TMEM266: variants seen among roughly 807,000 people sequenced by gnomAD.
The protein encoded by TMEM266 is Hv1 related protein 1.
TMEM266 carries 33 observed loss-of-function variants against 50.5 expected under a neutral mutation model. That is an observed-to-expected ratio of 0.65 (90% CI 0.50 to 0.87). The LOEUF is 0.87. Ranked by LOEUF, TMEM266 falls within the 40% of genes least tolerant of loss-of-function variation. The pLI, the probability that TMEM266 is intolerant of heterozygous loss-of-function variation, is 0.00. For missense variants in TMEM266, 655 were observed against 695.1 expected (o/e 0.94, Z 0.65); for synonymous variants, 310 against 292.3 (o/e 1.06, Z -0.62).
chr15:76,068,676 G>A (rs1325237832), intron 1 of TMEM266, among the ~76,000 whole-genome samples: 2 of 152,212 alleles, frequency 1.3e-5, no homozygotes, highest in African/African-American at 4.8e-5. Context: ...TGAGAAGGTG[G>A]CTGTCTGCAA....
At chr15:76,107,720 G>C (rs950982306) in intron 1 of TMEM266, among the ~76,000 whole-genome samples, 1 of 152,152 alleles carries the variant, frequency 6.6e-6, no homozygotes, top group Non-Finnish European at 1.5e-5. Flanking sequence ...CTCAAATATA[G>C]TATTTGAATG....
chr15:76,168,762 A>G lies in TMEM266; in HGVS notation c.457-1054A>G, dbSNP rs190824441. On this transcript the variant is annotated intron_variant, in intron 5 of 10. Coordinates refer to ENST00000388942, the MANE Select transcript of TMEM266 (RefSeq NM_152335.3). The surrounding 1 kb of genome is among the most constrained non-coding windows in gnomAD (Gnocchi z 4.4). ...CTTGAGCCTCCACTGGGGGATGGGG[A>G]GGGAATCAGCACAAGGTACAAGGCA... is the stretch of plus-strand genomic sequence containing the variant. Among the ~76,000 whole-genome samples the G allele has an allele frequency of 6.6e-5, 10 of 152,254 alleles. No individual in the cohort carries two copies. The highest frequency in any genetic ancestry group is 5.9e-4 in the Admixed American group (9 of 15,302).
chr15:76,159,538 C>T (rs1449393782), intron 4 of TMEM266, among the ~76,000 whole-genome samples: 4 of 152,150 alleles, frequency 2.6e-5, no homozygotes, highest in African/African-American at 4.8e-5. Flanking sequence ...TGCCCAGCTC[C>T]CCTGCCAGTC....
chr15:76,147,151 C>A (rs1203187972), intron 3 of TMEM266, among the ~76,000 whole-genome samples: 1 of 152,228 alleles, frequency 6.6e-6, no homozygotes, highest in East Asian at 1.9e-4. Context: ...CGGGAGGCCC[C>A]AGGCTTCTTA....
At chr15:76,137,175 A>G (rs888817969) in intron 2 of TMEM266, among the ~76,000 whole-genome samples, 15 of 152,186 alleles carry the variant, frequency 9.9e-5, no homozygotes, top group Admixed American at 7.2e-4. Context: ...CACCACCCCA[A>G]GGCCCACTAG....
rs58863068 is a variant in TMEM266, at chr15:76,168,504, T to C, written c.457-1312T>C. On this transcript the variant is annotated intron_variant, in intron 5 of 10. Transcript: ENST00000388942. The surrounding 1 kb of genome is among the most constrained non-coding windows in gnomAD (Gnocchi z 4.4). ...TGTGAATCACCGTGAATTAAAGTCATCTTGGCTCAAGGAAGAGCCTGCAGA... is the reference window on the plus strand; with the variant it reads ...TGTGAATCACCGTGAATTAAAGTCACCTTGGCTCAAGGAAGAGCCTGCAGA... Among the ~76,000 whole-genome samples, 7,458 of 152,276 alleles carry C rather than the reference T, an allele frequency of 0.049. 406 individuals are homozygous for C. The highest frequency in any genetic ancestry group is 0.14 in the African/African-American group (5,674 of 41,540).
chr15:76,176,794 C>T (rs1230130093), intron 8 of TMEM266, among the ~76,000 whole-genome samples: 2 of 152,190 alleles, frequency 1.3e-5, no homozygotes, highest in Non-Finnish European at 1.5e-5. Context: ...CCCTATTCCT[C>T]CCCCATTGCT....
chr15:76,203,908 G>A lies in TMEM266; in HGVS notation c.1189G>A (p.Ala397Thr), dbSNP rs1194396801. ...TGCCTCCCGCAGCTCAGTCACCCGG[G>A]CCCAGAGTGACAGCAGCCAGACGCT... Residue 397 changes from alanine (A) to threonine (T), a missense_variant, in exon 11 of 11, where the codon GCC becomes ACC. Ala to Thr is a moderately conservative substitution (Grantham distance 58). Coordinates refer to ENST00000388942, the MANE Select transcript of TMEM266 (RefSeq NM_152335.3). 2 of 1,613,972 alleles carry A rather than the reference G, an allele frequency of 1.2e-6. No individual in the cohort carries two copies. The highest frequency in any genetic ancestry group is 1.3e-5 in the African/African-American group (1 of 74,932).
At chr15:76,152,674 C>T (rs1253960775) in intron 3 of TMEM266, among the ~76,000 whole-genome samples, 1 of 152,174 alleles carries the variant, frequency 6.6e-6, no homozygotes, top group African/African-American at 2.4e-5. Context: ...CCCTCACCCC[C>T]ATCAGCTTTC....
In TMEM266 at chr15:76,203,869, G is replaced by A. The variant is rs376932946; in HGVS notation, c.1150G>A (p.Ala384Thr). The change falls in exon 11 of 11, where the codon GCC (alanine) becomes ACC (threonine). Residue 384 changes from alanine (A) to threonine (T), a missense_variant. By Grantham distance (58) the Ala-to-Thr change is moderately conservative. Around this residue, in one of 3 missense-constraint regions of TMEM266, gnomAD observed 455 missense variants for 401.8 expected, o/e 1.13. Coordinates refer to ENST00000388942, the MANE Select transcript of TMEM266 (RefSeq NM_152335.3). ...CAAACTCGGCGGTAATGGCACCAGC[G>A]CCACCTCGGAGAGTGCCTCCCGCAG... 74 of 1,614,024 alleles carry A rather than the reference G, an allele frequency of 4.6e-5. No homozygotes were observed. The African/African-American group carries it at 7.5e-4, about 16-fold the overall frequency.
chr15:76,180,320 C>G (rs761571630), intron 8 of TMEM266, among the ~76,000 whole-genome samples: 2 of 152,102 alleles, frequency 1.3e-5, no homozygotes, highest in Non-Finnish European at 2.9e-5. Flanking sequence ...ATTTCTCAGA[C>G]TTTGTTTCTG....
At chr15:76,075,942 C>T (rs1298817727) in intron 1 of TMEM266, among the ~76,000 whole-genome samples, 1 of 144,138 alleles carries the variant, frequency 6.9e-6, no homozygotes, top group East Asian at 2.1e-4. Flanking sequence ...CTGCTGCAGC[C>T]TCCATCTTCC....
rs2038018166 is a variant in TMEM266, at chr15:76,161,521, C to G, written c.456+1353C>G. On this transcript the variant is annotated intron_variant, in intron 5 of 10. Coordinates refer to ENST00000388942, the MANE Select transcript of TMEM266 (RefSeq NM_152335.3). The surrounding 1 kb of genome is among the most constrained non-coding windows in gnomAD (Gnocchi z 4.1). The stretch of plus-strand genomic sequence containing the variant: ...GGGAGCTGGGCTTTGGGTCTTGAGT[C>G]CAGAATCCTGAGTCCGGGTGTGGGG... Among the ~76,000 whole-genome samples, 1 of 152,044 alleles carries G rather than the reference C, an allele frequency of 6.6e-6. No individual in the cohort carries two copies. The highest frequency in any genetic ancestry group is 2.4e-5 in the African/African-American group (1 of 41,362).
At chr15:76,146,344 AAAAAT>A (rs541954026) in intron 3 of TMEM266, among the ~76,000 whole-genome samples, 328 of 152,316 alleles carry the variant, frequency 2.2e-3, no homozygotes, top group African/African-American at 7.5e-3. Flanking sequence ...TGTCAAAAAT[AAAAAT>A]AAAGTAAGAA....
intron 8 of TMEM266, among the ~76,000 whole-genome samples, chr15:76,190,528 G>A (rs1242334397): frequency 6.6e-6 from 1 of 152,112 alleles, no homozygotes; most frequent in Admixed American, 6.5e-5. Flanking sequence ...CACGGCTGTA[G>A]GGGCCAGAGC....
At chr15:76,091,017 C>G (rs529231763) in intron 1 of TMEM266, among the ~76,000 whole-genome samples, 1 of 152,224 alleles carries the variant, frequency 6.6e-6, no homozygotes, top group South Asian at 2.1e-4. Flanking sequence ...CAAAATATCA[C>G]TGTGTATCCT....
chr15:76,074,412 C>G (rs1171954330), intron 1 of TMEM266, among the ~76,000 whole-genome samples: 1 of 151,720 alleles, frequency 6.6e-6, no homozygotes, highest in African/African-American at 2.4e-5. Flanking sequence ...AAAATTGGAC[C>G]CATTAAACAC....
intron 1 of TMEM266, among the ~76,000 whole-genome samples, chr15:76,066,883 G>A (rs907520642): frequency 6.6e-6 from 1 of 152,082 alleles, no homozygotes; most frequent in Non-Finnish European, 1.5e-5. Flanking sequence ...CATGGGGCCA[G>A]GTGACTCTTT....
chr15:76,063,279 G>C (rs970990613), intron 1 of TMEM266, among the ~76,000 whole-genome samples: 1 of 152,146 alleles, frequency 6.6e-6, no homozygotes, highest in Non-Finnish European at 1.5e-5. Context: ...GGGAGCCCAA[G>C]GTATATGACC....
Sources: allele counts gnomAD v4.1 joint callset (sites outside exome capture counted in the v4.1 genomes callset), GRCh38; gene constraint gnomAD v4.1.1; regional missense constraint gnomAD v4.1.1; non-coding constraint Gnocchi (gnomAD v3.1); transcripts MANE v1.5; gene names NCBI Gene and HGNC (gene_info 2026-07-23, HGNC 2026-07-21).